Variants in PLA2G4A observed in about 807,000 individuals in gnomAD.
PLA2G4A encodes phospholipase A2 group IVA.
PLA2G4A carries 40 observed loss-of-function variants against 81.9 expected under a neutral mutation model. The observed-to-expected ratio is 0.49, with a 90% confidence interval of 0.38 to 0.64. PLA2G4A has a LOEUF of 0.64. PLA2G4A is among the 30% of genes least tolerant of loss of function. PLA2G4A has a pLI of 0.00. For synonymous variants in PLA2G4A, 302 were observed against 296.9 expected, an observed-to-expected ratio of 1.02 and a Z score of -0.18; for missense variants, 715 against 905.1, an observed-to-expected ratio of 0.79 and a Z score of 2.69.
At chr1:186,830,961 T>TTG (rs61289403) in intron 1 of PLA2G4A, among the ~76,000 whole-genome samples, 1,474 of 38,086 alleles carry the variant, frequency 0.039, 15 homozygotes, top group African/African-American at 0.08. Flanking sequence ...TTGCTTGCTT[T>TTG]CTTTCTTTCT....
chr1:186,911,288 CAGG>C lies in PLA2G4A; in HGVS notation c.460_462del (p.Glu154del), dbSNP rs1185056487. On this transcript the variant is annotated inframe_deletion, in exon 7 of 18. Transcript: ENST00000367466. ...ACGATTTAGTATGGCTCTGTGTGAT[CAGG>C]AGAAGACTTTCAGACAACAGAGAAA... is the stretch of plus-strand genomic sequence containing the variant. 5 of 1,610,752 alleles carry C rather than the reference CAGG, an allele frequency of 3.1e-6. No individual in the cohort carries two copies. Among genetic ancestry groups the C allele is most frequent in the Non-Finnish European group, 3.4e-6 (4 of 1,177,018 alleles).
intron 14 of PLA2G4A, among the ~76,000 whole-genome samples, chr1:186,962,623 G>A (rs1571448012): frequency 6.6e-6 from 1 of 152,002 alleles, no homozygotes; most frequent in Non-Finnish European, 1.5e-5. Context: ...CCGAGTTCAC[G>A]CCATTCTCCT....
At chr1:186,837,038 C>A (rs1651801363) in intron 1 of PLA2G4A, among the ~76,000 whole-genome samples, 2 of 152,100 alleles carry the variant, frequency 1.3e-5, no homozygotes, top group South Asian at 4.1e-4. Context: ...GTTAATGAGC[C>A]TGCAAAGAAG....
intron 3 of PLA2G4A, among the ~76,000 whole-genome samples, chr1:186,884,456 A>G (rs1172523246): frequency 6.6e-6 from 1 of 152,142 alleles, no homozygotes; most frequent in African/African-American, 2.4e-5. Context: ...TAAAGTGACT[A>G]ATAGCAGTGT....
chr1:186,965,076 C>G (rs1657085262), intron 14 of PLA2G4A, among the ~76,000 whole-genome samples: 1 of 152,158 alleles, frequency 6.6e-6, no homozygotes. Context: ...ATGTAAAGAC[C>G]TACGTAATGT....
intron 5 of PLA2G4A, among the ~76,000 whole-genome samples, chr1:186,901,850 G>C (rs1195948785): frequency 1.3e-5 from 2 of 152,094 alleles, no homozygotes; most frequent in African/African-American, 2.4e-5. Context: ...GTGGGTTTGG[G>C]GGGTGGACAC....
chr1:186,868,687 TG>T (rs1162112675), intron 2 of PLA2G4A, among the ~76,000 whole-genome samples: 4 of 152,186 alleles, frequency 2.6e-5, no homozygotes, highest in Non-Finnish European at 4.4e-5. Flanking sequence ...GGTTATTAAT[TG>T]TTGATTCAAT....
intron 5 of PLA2G4A, among the ~76,000 whole-genome samples, chr1:186,897,840 A>G (rs1654390700): frequency 6.6e-6 from 1 of 152,150 alleles, no homozygotes; most frequent in African/African-American, 2.4e-5. Flanking sequence ...TTCAGGAGGT[A>G]CATGTACAGG....
intron 3 of PLA2G4A, among the ~76,000 whole-genome samples, chr1:186,874,441 A>G (rs575902831): frequency 4.6e-5 from 7 of 152,092 alleles, no homozygotes; most frequent in Non-Finnish European, 1.0e-4. Flanking sequence ...ATTCAGAACT[A>G]TTAGAGCCAT....
intron 17 of PLA2G4A, among the ~76,000 whole-genome samples, chr1:186,980,924 T>C (rs1300618606): frequency 1.3e-5 from 2 of 152,180 alleles, no homozygotes; most frequent in Non-Finnish European, 2.9e-5. Flanking sequence ...TCCATAGATT[T>C]GTTTCCTTTT....
chr1:186,901,382 G>C (rs944952445), intron 5 of PLA2G4A, among the ~76,000 whole-genome samples: 1 of 152,128 alleles, frequency 6.6e-6, no homozygotes, highest in African/African-American at 2.4e-5. Context: ...GGATTCCTCT[G>C]TTGGATGGTA....
chr1:186,909,206 C>T (rs1346459011), intron 6 of PLA2G4A, among the ~76,000 whole-genome samples: 2 of 150,030 alleles, frequency 1.3e-5, no homozygotes, highest in African/African-American at 2.4e-5. Context: ...GATTTCCTGA[C>T]CTCGTGATCC....
intron 8 of PLA2G4A, among the ~76,000 whole-genome samples, chr1:186,934,808 C>A (rs1655882579): frequency 6.6e-6 from 1 of 151,760 alleles, no homozygotes; most frequent in Admixed American, 6.6e-5. Context: ...TCCTATCATG[C>A]CTTTTCAGTT....
intron 15 of PLA2G4A, among the ~76,000 whole-genome samples, chr1:186,966,318 A>G (rs1657130009): frequency 6.6e-6 from 1 of 151,878 alleles, no homozygotes; most frequent in South Asian, 2.1e-4. Context: ...GAGAGGAGAG[A>G]TGAGATATAG....
intron 3 of PLA2G4A, among the ~76,000 whole-genome samples, chr1:186,872,509 T>TC (rs776201559): frequency 2.3e-4 from 35 of 151,858 alleles, no homozygotes; most frequent in Non-Finnish European, 4.0e-4. Context: ...GCAGCAGCAA[T>TC]CCCCCCACCC....
intron 5 of PLA2G4A, among the ~76,000 whole-genome samples, chr1:186,905,854 T>C (rs1654718338): frequency 6.6e-6 from 1 of 152,234 alleles, no homozygotes; most frequent in African/African-American, 2.4e-5. Context: ...ATAGATGTTT[T>C]CAATACCTTT....
intron 1 of PLA2G4A, among the ~76,000 whole-genome samples, chr1:186,844,089 G>T (rs1309218817): frequency 6.6e-6 from 1 of 152,138 alleles, no homozygotes; most frequent in Non-Finnish European, 1.5e-5. Context: ...CATACCATTG[G>T]GTTCCAGGCT....
At chr1:186,961,150 G>C (rs1242744485) in intron 14 of PLA2G4A, among the ~76,000 whole-genome samples, 1 of 111,378 alleles carries the variant, frequency 9.0e-6, no homozygotes, top group African/African-American at 3.7e-5. Flanking sequence ...GTAGAAAATA[G>C]GGTGAGGATT....
intron 7 of PLA2G4A, among the ~76,000 whole-genome samples, chr1:186,919,889 G>C (rs780136517): frequency 3.9e-5 from 6 of 152,166 alleles, no homozygotes; most frequent in African/African-American, 7.2e-5. Flanking sequence ...CAGGCAGGAG[G>C]GGGGGTGTTC....
Sources: allele counts gnomAD v4.1 joint callset (sites outside exome capture counted in the v4.1 genomes callset), GRCh38; gene constraint gnomAD v4.1.1; transcripts MANE v1.5; gene names NCBI Gene and HGNC (gene_info 2026-07-23, HGNC 2026-07-21).